CREBRF: variants seen among roughly 807,000 people sequenced by gnomAD.
CREBRF encodes the protein CREB3 regulatory factor, also known as UPF0474 protein C5orf41.
A neutral mutation model predicts 66.1 loss-of-function variants in CREBRF; 5 were observed. The ratio of observed to expected loss-of-function variants is 0.08; its 90% CI spans 0.04 to 0.16. The LOEUF is 0.16. CREBRF is among the 10% of genes least tolerant of loss of function. The probability of loss-of-function intolerance (pLI) is 1.00; values close to 1 mark genes in which losing one functional copy is unlikely to be tolerated. For synonymous variants in CREBRF, 229 were observed against 264.4 expected, an observed-to-expected ratio of 0.87 and a Z score of 1.30; for missense variants, 531 against 744.9, an observed-to-expected ratio of 0.71 and a Z score of 3.34.
chr5:173,104,711 CAGAG>C (rs112995190), intron 4 of CREBRF, among the ~76,000 whole-genome samples: 1,691 of 146,494 alleles, frequency 0.012, 16 homozygotes, highest in South Asian at 0.022. Flanking sequence ...GCAACAAATT[CAGAG>C]AGAGAGAGAG....
At chr5:173,126,375 A>C (rs1759275403) in intron 8 of CREBRF, among the ~76,000 whole-genome samples, 1 of 152,160 alleles carries the variant, frequency 6.6e-6, no homozygotes, top group Admixed American at 6.5e-5. Context: ...TCCTGACATC[A>C]AGTGATCTGC....
chr5:173,071,694 G>C (rs1238926623), intron 1 of CREBRF, among the ~76,000 whole-genome samples: 1 of 152,036 alleles, frequency 6.6e-6, no homozygotes, highest in African/African-American at 2.4e-5. Context: ...GGGAGTTGCT[G>C]ATGACTTTGG....
At position 173,136,551 on chromosome 5, in the gene CREBRF, A is replaced by G. The variant is rs879229214; in HGVS notation, c.*2806A>G. On this transcript the variant is annotated 3_prime_UTR_variant, in exon 9 of 9. Coordinates refer to ENST00000296953, the MANE Select transcript of CREBRF (RefSeq NM_153607.3). ...ATCCTCTTGCTGTTTTAACTTTATC[A>G]TAAAGATGACATAGGCAAGCTGTGC... The G allele has an allele frequency of 1.3e-5, 2 of 152,632 alleles. No homozygotes were observed. The highest frequency in any genetic ancestry group is 4.1e-4 in the South Asian group (2 of 4,834). 9.5% of individuals were successfully genotyped at this position (152,632 alleles called of 1,614,324 possible).
At chr5:173,084,485 C>T (rs186177234) in intron 2 of CREBRF, among the ~76,000 whole-genome samples, 84 of 152,262 alleles carry the variant, frequency 5.5e-4, no homozygotes, top group African/African-American at 1.9e-3. Flanking sequence ...AAAACTGGTA[C>T]TAATCACTTT....
chr5:173,081,764 A>G (rs1757950409), intron 2 of CREBRF, among the ~76,000 whole-genome samples: 1 of 152,040 alleles, frequency 6.6e-6, no homozygotes, highest in Non-Finnish European at 1.5e-5. Context: ...TACTAAAAAT[A>G]CAAAAACTAG....
intron 2 of CREBRF, among the ~76,000 whole-genome samples, chr5:173,083,495 C>T (rs1758033707): frequency 6.6e-6 from 1 of 152,164 alleles, no homozygotes; most frequent in African/African-American, 2.4e-5. Context: ...CTACAGAGTT[C>T]ATGCCCAAGT....
At chr5:173,108,506 A>G (rs1232064120) in intron 4 of CREBRF, 118 bp from the exon 5 acceptor site, 24 of 805,968 alleles carry the variant, frequency 3.0e-5, no homozygotes, top group South Asian at 1.4e-4. Context: ...TGACATGCCA[A>G]TGATGTTTTC....
At chr5:173,104,208 A>G (rs1758694993) in intron 4 of CREBRF, among the ~76,000 whole-genome samples, 3 of 152,236 alleles carry the variant, frequency 2.0e-5, no homozygotes, top group Admixed American at 6.5e-5. Context: ...GATATGCAGG[A>G]TGAGAGATTT....
intron 3 of CREBRF, among the ~76,000 whole-genome samples, 167 bp downstream of exon 3, chr5:173,086,793 T>A (rs1758160945): frequency 6.6e-6 from 1 of 152,132 alleles, no homozygotes. Flanking sequence ...TTTTATTTTT[T>A]TGAGACGGAG....
chr5:173,082,586 CA>C (rs574806715), intron 2 of CREBRF, among the ~76,000 whole-genome samples: 151 of 129,972 alleles, frequency 1.2e-3, no homozygotes, highest in Admixed American at 1.8e-3. Context: ...CAGAAACTTG[CA>C]AAAAAAAAAA....
chr5:173,077,978 T>G (rs924185154), intron 1 of CREBRF, among the ~76,000 whole-genome samples: 3 of 152,226 alleles, frequency 2.0e-5, no homozygotes, highest in African/African-American at 7.2e-5. Context: ...TGTGGACACT[T>G]GAGTTGTGTT....
At position 173,136,401 on chromosome 5, in the gene CREBRF, T is replaced by C. The variant is rs1581059417; in HGVS notation, c.*2656T>C. 1.3e-5 allele frequency: 2 copies of C among 152,392 alleles called. No homozygotes were observed. The highest frequency in any genetic ancestry group is 3.4e-3 in the Middle Eastern group (1 of 294). The allele number at this position is 152,392 out of a possible 1,614,324, so 9.4% of individuals were successfully genotyped here. On this transcript the variant is annotated 3_prime_UTR_variant, in exon 9 of 9. Transcript: ENST00000296953. ...GTATGTATATCTTAGAAAAGCACTT[T>C]GTTAAAAAAAAATTGCATTTTATAT...
At chr5:173,105,527 G>A (rs959307870) in intron 4 of CREBRF, among the ~76,000 whole-genome samples, 9 of 152,084 alleles carry the variant, frequency 5.9e-5, no homozygotes, top group Admixed American at 4.6e-4. Context: ...TTGGAGTGCA[G>A]TGGTATGATC....
intron 1 of CREBRF, among the ~76,000 whole-genome samples, chr5:173,064,547 C>G (rs1757375522): frequency 6.6e-6 from 1 of 151,460 alleles, no homozygotes; most frequent in Admixed American, 6.6e-5. Context: ...TGCGCACCAC[C>G]ACACCTGGTT....
intron 2 of CREBRF, 74 bp downstream of exon 2, chr5:173,080,858 G>T (rs1403196320): frequency 7.1e-7 from 1 of 1,414,898 alleles, no homozygotes; most frequent in Non-Finnish European, 9.9e-7. Context: ...ACTCTTAAAT[G>T]AATCTTAACA....
chr5:173,086,704 C>T, intron 3 of CREBRF, 78 bp downstream of exon 3: 2 of 1,328,444 alleles, frequency 1.5e-6, no homozygotes, highest in Non-Finnish European at 1.0e-6. Context: ...TTTATAAATG[C>T]CTGAAAAAAA....
intron 8 of CREBRF, among the ~76,000 whole-genome samples, chr5:173,128,498 T>A (rs887641664): frequency 1.3e-5 from 2 of 151,932 alleles, no homozygotes; most frequent in Non-Finnish European, 2.9e-5. Flanking sequence ...TGTGTAGAAC[T>A]GAGAAAAGTT....
intron 1 of CREBRF, among the ~76,000 whole-genome samples, chr5:173,074,732 C>G (rs193111921): frequency 6.6e-6 from 1 of 152,180 alleles, no homozygotes; most frequent in South Asian, 2.1e-4. Flanking sequence ...AAGTGATTCT[C>G]CTGTCTCAGC....
At chr5:173,127,704 C>T (rs1208686043) in intron 8 of CREBRF, among the ~76,000 whole-genome samples, 2 of 152,042 alleles carry the variant, frequency 1.3e-5, no homozygotes, top group African/African-American at 4.8e-5. Flanking sequence ...GTGATCCACC[C>T]ACCTCAGCCT....
Sources: allele counts gnomAD v4.1 joint callset (sites outside exome capture counted in the v4.1 genomes callset), GRCh38; gene constraint gnomAD v4.1.1; transcripts MANE v1.5; gene names NCBI Gene and HGNC (gene_info 2026-07-23, HGNC 2026-07-21).